Variants in MAGED1 observed in about 807,000 individuals in gnomAD.
MAGED1 encodes MAGE family member D1, also known as melanoma-associated antigen D1.
A neutral mutation model predicts 54.1 loss-of-function variants in MAGED1; 3 were observed. The ratio of observed to expected loss-of-function variants is 0.06; its 90% CI spans 0.03 to 0.14. The LOEUF is 0.14. Ranked by LOEUF, MAGED1 falls within the 10% of genes least tolerant of loss-of-function variation. The pLI is 1.00. For synonymous variants in MAGED1, 217 were observed against 227.3 expected (o/e 0.95, Z 0.41); for missense variants, 485 against 623.4 (o/e 0.78, Z 2.36).
At chrX:51,831,345 C>T (rs1465714874) in intron 1 of MAGED1, among the ~76,000 whole-genome samples, 1 of 112,244 alleles carries the variant, frequency 8.9e-6, no homozygotes, top group Non-Finnish European at 1.9e-5. Flanking sequence ...GAGGCAGTGG[C>T]TTAAGCCTAT....
chrX:51,823,703 C>T (rs1486606850), intron 1 of MAGED1, among the ~76,000 whole-genome samples: 3 of 111,556 alleles, frequency 2.7e-5, no homozygotes, highest in Non-Finnish European at 5.7e-5. Flanking sequence ...TTTTGTTTTT[C>T]TATTCTTACA....
upstream of MAGED1, among the ~76,000 whole-genome samples, chrX:51,892,296 T>C (rs964376246): frequency 8.9e-6 from 1 of 112,477 alleles, no homozygotes; most frequent in East Asian, 2.8e-4. Flanking sequence ...GCCCAGAGAA[T>C]TGAGTGACCC....
chrX:51,834,712 C>T (rs782025336), intron 1 of MAGED1, among the ~76,000 whole-genome samples: 1 of 110,773 alleles, frequency 9.0e-6, no homozygotes, highest in Non-Finnish European at 1.9e-5. Context: ...GCTCTCAGTC[C>T]GTAGTTAGTC....
intron 1 of MAGED1, among the ~76,000 whole-genome samples, chrX:51,829,765 G>C (rs1557357246): frequency 2.7e-5 from 3 of 111,781 alleles, no homozygotes; most frequent in Non-Finnish European, 5.7e-5. Context: ...ATAATGAAAT[G>C]TCACTTTTAA....
At chrX:51,842,771 C>T (rs1254545472) in intron 1 of MAGED1, among the ~76,000 whole-genome samples, 1 of 111,079 alleles carries the variant, frequency 9.0e-6, no homozygotes, top group African/African-American at 3.3e-5. Context: ...CTGCATCCTC[C>T]ACCTCCGAGG....
rs199618733 is a variant in MAGED1 at position 51,864,191 on chromosome X, T to A, written c.-36-30078T>A. Among the ~76,000 whole-genome samples, 194 of 61,659 alleles carry A rather than the reference T, an allele frequency of 3.1e-3. 2 individuals are homozygous for A. The highest frequency in any genetic ancestry group is 7.4e-3 in the South Asian group (12 of 1,623). 53.5% of individuals were successfully genotyped at this position (61,659 alleles called of 115,157 possible). A position where few individuals can be genotyped will look rare whatever the true frequency, so the allele number is the denominator to read the frequency against. On this transcript the variant is annotated intron_variant, in intron 1 of 12. Transcript: ENST00000375772. ...GGGTGTGAGAGAGAGAGAGAGAGAG[T>A]GTGTGTGTGTGTGTGTGTGTGTGTA...
intron 1 of MAGED1, among the ~76,000 whole-genome samples, chrX:51,837,583 C>T (rs1304293570): frequency 8.9e-6 from 1 of 111,945 alleles, no homozygotes; most frequent in African/African-American, 3.3e-5. Flanking sequence ...TCCTGTAAGC[C>T]CTTAAGTTAT....
intron 1 of MAGED1, among the ~76,000 whole-genome samples, chrX:51,815,855 A>G (rs782445360): frequency 1.9e-4 from 21 of 111,976 alleles, no homozygotes; most frequent in African/African-American, 6.8e-4. Context: ...ACATCATTAC[A>G]AAAGAGTCAA....
chrX:51,857,752 C>T (rs1403945780), intron 1 of MAGED1: 1 of 112,482 alleles, frequency 8.9e-6, no homozygotes, highest in Non-Finnish European at 1.9e-5. Context: ...ACACTCTGTA[C>T]CTGTAATGAA....
At chrX:51,883,478 C>T (rs782027877) in intron 1 of MAGED1, among the ~76,000 whole-genome samples, 10 of 111,968 alleles carry the variant, frequency 8.9e-5, no homozygotes, top group Non-Finnish European at 1.7e-4. Flanking sequence ...GAGTATGGAA[C>T]CTGGACTTCC....
At chrX:51,882,732 C>T (rs1310334008) in intron 1 of MAGED1, among the ~76,000 whole-genome samples, 1 of 111,006 alleles carries the variant, frequency 9.0e-6, no homozygotes, top group African/African-American at 3.3e-5. Context: ...CTCTTGTTGT[C>T]CAGGCTGGAG....
upstream of MAGED1, among the ~76,000 whole-genome samples, chrX:51,889,085 A>T (rs1002591943): frequency 3.6e-5 from 4 of 110,701 alleles, no homozygotes; most frequent in Non-Finnish European, 7.5e-5. Context: ...TCCACATGTG[A>T]TAAGGTGATA....
chrX:51,900,100 T>C lies in MAGED1; in HGVS notation c.1845-82T>C. Reference sequence around the variant, plus strand: ...GGGGGAGTTGCTATCTGAAATCTGTTAAAAAATGTAAGATTATTTTTCATT... The same window carrying C: ...GGGGGAGTTGCTATCTGAAATCTGTCAAAAAATGTAAGATTATTTTTCATT... On this transcript the variant is annotated intron_variant, in intron 10 of 12. Transcript: ENST00000326587. 3.4e-5 allele frequency: 21 copies of C among 624,185 alleles called. No individual in the cohort carries two copies. The South Asian group carries it at 4.6e-4, about 14-fold the overall frequency. The allele number at this position is 624,185 out of a possible 1,213,427, so 51.4% of individuals were successfully genotyped here.
chrX:51,887,749 A>G (rs1292809093), intron 1 of MAGED1, among the ~76,000 whole-genome samples: 1 of 109,766 alleles, frequency 9.1e-6, no homozygotes, highest in Non-Finnish European at 1.9e-5. Flanking sequence ...AATTAAAACC[A>G]TAAAACTTTT....
intron 1 of MAGED1, chrX:51,870,559 G>A (rs1174519443): frequency 1.8e-5 from 2 of 112,095 alleles, no homozygotes; most frequent in African/African-American, 6.5e-5. Flanking sequence ...ACATGTAAAT[G>A]GAGTTGTAAT....
At chrX:51,813,548 G>T (rs185567397) in intron 1 of MAGED1, among the ~76,000 whole-genome samples, 171 of 112,167 alleles carry the variant, frequency 1.5e-3, no homozygotes, top group Admixed American at 4.2e-3. Flanking sequence ...CTGCTTAGGA[G>T]ACTTGCCTTG....
At chrX:51,889,709 G>A (rs1180960292), upstream of MAGED1, among the ~76,000 whole-genome samples, 7 of 108,074 alleles carry the variant, frequency 6.5e-5, no homozygotes, top group Admixed American at 4.0e-4. Context: ...AGTGGACACC[G>A]GATGTTAGCC....
intron 1 of MAGED1, among the ~76,000 whole-genome samples, chrX:51,803,774 A>G (rs1457349714): frequency 1.9e-5 from 2 of 103,030 alleles, no homozygotes; most frequent in Non-Finnish European, 3.9e-5. Flanking sequence ...TCATTTAGAT[A>G]CTATTGCACA....
intron 1 of MAGED1, among the ~76,000 whole-genome samples, chrX:51,863,836 T>TG (rs1401426949): frequency 7.3e-5 from 8 of 110,121 alleles, no homozygotes; most frequent in South Asian, 3.8e-4. Context: ...TTTGTGTGTG[T>TG]TTTTTTTTAA....
Sources: allele counts gnomAD v4.1 joint callset (sites outside exome capture counted in the v4.1 genomes callset), GRCh38; gene constraint gnomAD v4.1.1; transcripts MANE v1.5; gene names NCBI Gene and HGNC (gene_info 2026-07-23, HGNC 2026-07-21).